Variants in FNDC1 observed in about 807,000 individuals in gnomAD.
FNDC1 encodes the protein fibronectin type III domain containing 1, also known as fibronectin type III domain-containing protein 1.
Under a neutral mutation model 168.0 loss-of-function variants are expected in FNDC1, and 96 were observed. That is an observed-to-expected ratio of 0.57 (90% CI 0.48 to 0.68). FNDC1 has a LOEUF of 0.68. Ranked by LOEUF, FNDC1 falls within the 30% of genes least tolerant of loss-of-function variation. The pLI, the probability that FNDC1 is intolerant of heterozygous loss-of-function variation, is 0.00. For missense variants in FNDC1, 2,587 were observed against 2,482.1 expected, an observed-to-expected ratio of 1.04 and a Z score of -0.90; for synonymous variants, 1,099 against 1,025.9, an observed-to-expected ratio of 1.07 and a Z score of -1.36.
chr6:159,211,436 T>G (rs1782604421), intron 4 of FNDC1, among the ~76,000 whole-genome samples: 1 of 152,198 alleles, frequency 6.6e-6, no homozygotes, highest in South Asian at 2.1e-4. Context: ...GACTGATAAT[T>G]GCTAGATGTT....
chr6:159,173,347 T>G (rs1203223483), intron 1 of FNDC1, among the ~76,000 whole-genome samples: 2 of 152,246 alleles, frequency 1.3e-5, no homozygotes, highest in Admixed American at 6.5e-5. Flanking sequence ...AGCTCGCCTG[T>G]GGCTCAACCT....
chr6:159,232,142 G>A lies in FNDC1; in HGVS notation c.1630G>A (p.Glu544Lys), dbSNP rs771688968. 1.2e-6 allele frequency: 2 copies of A among 1,613,952 alleles called. No individual in the cohort carries two copies. Among genetic ancestry groups the A allele is most frequent in the South Asian group, 2.2e-5 (2 of 91,068 alleles). The change falls in exon 11 of 23, where the codon GAG (glutamate) becomes AAG (lysine). Residue 544 changes from glutamate to lysine, a missense_variant. Transcript: ENST00000297267. This position sits in a 1 kb window ranked among gnomAD's most constrained non-coding sequence, Gnocchi z 4.9. Reference protein sequence around the residue: ...DLQSTEITGEEELGSREDSPM... With the variant: ...DLQSTEITGEKELGSREDSPM... ...TCAGTCGACAGAAATCACTGGGGAG[G>A]AGGAGCTGGGTTCCCGGGAGGACTC...
chr6:159,267,054 C>A (rs1777608271), intron 21 of FNDC1, among the ~76,000 whole-genome samples: 1 of 152,066 alleles, frequency 6.6e-6, no homozygotes, highest in South Asian at 2.1e-4. Context: ...CTCAGCTGGT[C>A]TACATTTTGT....
chr6:159,256,471 G>A, intron 17 of FNDC1, 52 bp from the exon 18 acceptor site: 2 of 1,337,450 alleles, frequency 1.5e-6, no homozygotes, highest in Non-Finnish European at 2.1e-6. Flanking sequence ...TACATCTTGT[G>A]TGTGACTTGG....
intron 1 of FNDC1, among the ~76,000 whole-genome samples, chr6:159,176,949 T>C (rs73799318): frequency 0.024 from 3,617 of 152,344 alleles, 125 homozygotes; most frequent in African/African-American, 0.081. Context: ...CATCTTTGTT[T>C]CATGTTTTCT....
Position 159,169,916 on chromosome 6 carries a change from C to A in FNDC1, c.109+211C>A, listed in dbSNP as rs966310344. On this transcript the variant is annotated intron_variant, in intron 1 of 22. Coordinates refer to ENST00000297267, the MANE Select transcript of FNDC1 (RefSeq NM_032532.3). This position sits in a 1 kb window ranked among gnomAD's most constrained non-coding sequence, Gnocchi z 6.8. The stretch of plus-strand genomic sequence containing the variant: ...GGGACCGCAGCGCGCTGGCGTTTAA[C>A]TTTGCCGTCGCCCGCCTTGGAGTCG... The A allele has an allele frequency of 4.4e-6, 1 of 228,366 alleles. No individual in the cohort carries two copies. The highest frequency in any genetic ancestry group is 8.4e-6 in the Non-Finnish European group (1 of 119,172). The allele number at this position is 228,366 out of a possible 1,614,324, so 14.1% of individuals were successfully genotyped here.
Position 159,261,158 on chromosome 6 carries a change from CT to C in FNDC1, c.5175-31del, listed in dbSNP as rs775660903. ...TGTTACACAGAAATCAAATACATGTCTCTTTCAAAATATATCTTCTTCCAAC... is the reference window on the plus strand; with the variant it reads ...TGTTACACAGAAATCAAATACATGTCCTTTCAAAATATATCTTCTTCCAAC... On this transcript the variant is annotated intron_variant, in intron 18 of 22. Coordinates refer to ENST00000297267, the MANE Select transcript of FNDC1 (RefSeq NM_032532.3). The C allele has an allele frequency of 9.8e-6, 15 of 1,527,126 alleles. 1 individual carries two copies. The South Asian group carries it at 1.7e-4, about 17-fold the overall frequency. The allele number at this position is 1,527,126 out of a possible 1,614,324, so 94.6% of individuals were successfully genotyped here. A position where few individuals can be genotyped will look rare whatever the true frequency, so the allele number is the denominator to read the frequency against.
At chr6:159,216,766 C>T (rs748487382) in intron 5 of FNDC1, among the ~76,000 whole-genome samples, 3 of 152,260 alleles carry the variant, frequency 2.0e-5, no homozygotes, top group Non-Finnish European at 2.9e-5. Context: ...CTCCAGCTTG[C>T]TTCTTACTTA....
chr6:159,210,684 G>A (rs1368545415), intron 4 of FNDC1, among the ~76,000 whole-genome samples: 3 of 152,134 alleles, frequency 2.0e-5, no homozygotes, highest in African/African-American at 4.8e-5. Flanking sequence ...ATGCAGGCTC[G>A]GGTGGCGTTT....
intron 18 of FNDC1, among the ~76,000 whole-genome samples, chr6:159,260,522 G>A (rs182428615): frequency 9.2e-5 from 14 of 152,194 alleles, no homozygotes; most frequent in African/African-American, 3.4e-4. Context: ...TCCTTGAGGC[G>A]CAGAAGCTCG....
At chr6:159,172,079 A>G (rs932150120) in intron 1 of FNDC1, among the ~76,000 whole-genome samples, 1 of 152,224 alleles carries the variant, frequency 6.6e-6, no homozygotes, top group African/African-American at 2.4e-5. Flanking sequence ...CAGTTTCATT[A>G]AGAATGTTCT....
At chr6:159,240,056 G>A (rs965664407) in intron 14 of FNDC1, 99 bp downstream of exon 14, 54 of 1,139,778 alleles carry the variant, frequency 4.7e-5, no homozygotes, top group Admixed American at 6.3e-5. Flanking sequence ...TATGAGCACC[G>A]TGCACAGCAA....
intron 5 of FNDC1, among the ~76,000 whole-genome samples, chr6:159,216,411 A>G (rs1782710687): frequency 6.6e-6 from 1 of 152,156 alleles, no homozygotes; most frequent in Non-Finnish European, 1.5e-5. Context: ...GGAAGAGATT[A>G]TGTGCTCCTT....
chr6:159,217,251 C>G (rs1357632911), intron 5 of FNDC1, among the ~76,000 whole-genome samples: 7 of 152,160 alleles, frequency 4.6e-5, no homozygotes, highest in Non-Finnish European at 1.0e-4. Context: ...CAGAGAGAAA[C>G]AGGGGCTCAG....
At chr6:159,217,147 G>C (rs534737849) in intron 5 of FNDC1, among the ~76,000 whole-genome samples, 1 of 152,240 alleles carries the variant, frequency 6.6e-6, no homozygotes, top group Non-Finnish European at 1.5e-5. Context: ...CAAGGAGGGG[G>C]ATGGGCAGTG....
rs140322386 is a variant in FNDC1, at chr6:159,242,022, A to T, written c.4621+2065A>T. On this transcript the variant is annotated intron_variant, in intron 14 of 22. Coordinates refer to ENST00000297267, the MANE Select transcript of FNDC1 (RefSeq NM_032532.3). ...AAATTAAATTTTTACTATTACAAAGATACATGCACATGTATGTTCATTGCA... is the reference window on the plus strand; with the variant it reads ...AAATTAAATTTTTACTATTACAAAGTTACATGCACATGTATGTTCATTGCA... Among the ~76,000 whole-genome samples the T allele has an allele frequency of 1.2e-3, 182 of 152,340 alleles. 2 individuals are homozygous for T. The highest frequency in any genetic ancestry group is 0.01 in the Middle Eastern group (3 of 294).
chr6:159,230,942 C>A (rs1366746157), intron 10 of FNDC1, among the ~76,000 whole-genome samples: 1 of 136,960 alleles, frequency 7.3e-6, no homozygotes, highest in Non-Finnish European at 1.5e-5. Flanking sequence ...ATAATGTTTG[C>A]CTATCCCAGG....
At chr6:159,255,044 C>T (rs1359195421) in intron 17 of FNDC1, among the ~76,000 whole-genome samples, 1 of 152,240 alleles carries the variant, frequency 6.6e-6, no homozygotes, top group African/African-American at 2.4e-5. Context: ...TCCACTCCCA[C>T]ACCCAATCCA....
chr6:159,198,352 G>A (rs974974710), intron 2 of FNDC1, among the ~76,000 whole-genome samples: 1 of 152,166 alleles, frequency 6.6e-6, no homozygotes, highest in Non-Finnish European at 1.5e-5. Context: ...TGCCACCTTA[G>A]CACTTTGATC....
Sources: gnomAD v4.1 joint callset for allele counts (sites outside exome capture counted in the v4.1 genomes callset) on GRCh38, gnomAD v4.1.1 for gene constraint, Gnocchi (gnomAD v3.1) non-coding constraint, MANE v1.5 for transcripts, NCBI Gene and HGNC (gene_info 2026-07-23, HGNC 2026-07-21) for gene names.